WDR70: variants seen among roughly 807,000 people sequenced by gnomAD.
WDR70 encodes the protein WD repeat domain 70.
In WDR70, 53 loss-of-function variants were observed where a neutral mutation model predicts 88.6. The ratio of observed to expected loss-of-function variants is 0.60; its 90% confidence interval spans 0.48 to 0.75. The LOEUF is 0.75. WDR70 is among the 30% of genes least tolerant of loss of function. The probability of loss-of-function intolerance (pLI) is 0.00; values close to 1 mark genes in which losing one functional copy is unlikely to be tolerated. For synonymous variants in WDR70, 280 were observed against 270.0 expected, an observed-to-expected ratio of 1.04 and a Z score of -0.36; for missense variants, 610 against 823.2, an observed-to-expected ratio of 0.74 and a Z score of 3.17.
At chr5:37,493,349 C>A (rs1740123464) in intron 8 of WDR70, among the ~76,000 whole-genome samples, 1 of 152,162 alleles carries the variant, frequency 6.6e-6, no homozygotes, top group Non-Finnish European at 1.5e-5. Flanking sequence ...ATAGTTCCCT[C>A]CATCTTCAGG....
intron 9 of WDR70, among the ~76,000 whole-genome samples, chr5:37,566,587 A>T (rs1300775113): frequency 6.6e-6 from 1 of 152,182 alleles, no homozygotes. Flanking sequence ...AATTTTTCTC[A>T]GTCTTAGAAA....
intron 9 of WDR70, among the ~76,000 whole-genome samples, chr5:37,522,199 A>G (rs1046890080): frequency 1.3e-5 from 2 of 151,974 alleles, no homozygotes; most frequent in African/African-American, 4.8e-5. Flanking sequence ...TTGGCTGGGC[A>G]TGGTGGCTCA....
At chr5:37,423,700 A>T (rs1025259665) in intron 5 of WDR70, among the ~76,000 whole-genome samples, 3 of 149,844 alleles carry the variant, frequency 2.0e-5, no homozygotes, top group African/African-American at 4.9e-5. Context: ...GGTAGCTAGG[A>T]TTACAGGCAG....
intron 5 of WDR70, among the ~76,000 whole-genome samples, chr5:37,411,671 A>G (rs1419757224): frequency 6.6e-6 from 1 of 152,140 alleles, no homozygotes; most frequent in African/African-American, 2.4e-5. Flanking sequence ...GGTTGTAGTG[A>G]GCTGATATCA....
intron 9 of WDR70, among the ~76,000 whole-genome samples, chr5:37,517,195 C>A (rs1740914349): frequency 1.3e-5 from 2 of 152,056 alleles, no homozygotes; most frequent in Admixed American, 1.3e-4. Flanking sequence ...CTAATTATTA[C>A]TTTGTATAAT....
intron 10 of WDR70, among the ~76,000 whole-genome samples, chr5:37,668,510 A>G (rs974352742): frequency 1.2e-4 from 19 of 152,218 alleles, no homozygotes; most frequent in African/African-American, 3.9e-4. Context: ...TGATATACCA[A>G]CTGGTCTCAA....
intron 9 of WDR70, among the ~76,000 whole-genome samples, chr5:37,603,875 C>T (rs746616684): frequency 6.6e-6 from 1 of 152,164 alleles, no homozygotes; most frequent in Non-Finnish European, 1.5e-5. Flanking sequence ...ATTCTCTCAT[C>T]AAATAATACT....
At chr5:37,706,258 T>C (rs1170056897) in intron 13 of WDR70, among the ~76,000 whole-genome samples, 1 of 152,246 alleles carries the variant, frequency 6.6e-6, no homozygotes, top group Non-Finnish European at 1.5e-5. Flanking sequence ...GTATGTTTCT[T>C]TAACATTTGC....
intron 9 of WDR70, among the ~76,000 whole-genome samples, chr5:37,546,656 C>T (rs1036170003): frequency 1.3e-4 from 20 of 152,272 alleles, no homozygotes; most frequent in African/African-American, 4.8e-4. Context: ...CGGTGGCTCA[C>T]GCCTGTAATC....
At chr5:37,406,547 CCT>C (rs1042639162) in intron 5 of WDR70, among the ~76,000 whole-genome samples, 6 of 152,126 alleles carry the variant, frequency 3.9e-5, no homozygotes. Context: ...TGTCTTTCCC[CCT>C]CTATAAAATG....
chr5:37,626,539 C>G (rs1257281257), intron 10 of WDR70, among the ~76,000 whole-genome samples: 1 of 152,080 alleles, frequency 6.6e-6, no homozygotes, highest in East Asian at 1.9e-4. Flanking sequence ...ATTTTTGCAA[C>G]AGTGTTCATC....
intron 9 of WDR70, among the ~76,000 whole-genome samples, chr5:37,550,447 A>G (rs1742110499): frequency 6.6e-6 from 1 of 152,166 alleles, no homozygotes; most frequent in East Asian, 1.9e-4. Context: ...TGTATATTCT[A>G]TAGCTGTTGG....
chr5:37,381,751 TA>T, intron 3 of WDR70, 66 bp downstream of exon 3: 1 of 1,517,214 alleles, frequency 6.6e-7, no homozygotes, highest in East Asian at 2.4e-5. Flanking sequence ...GCAAGTATAT[TA>T]AAAAAGAGAA....
intron 7 of WDR70, among the ~76,000 whole-genome samples, chr5:37,461,376 T>G (rs1738998458): frequency 6.6e-6 from 1 of 152,078 alleles, no homozygotes; most frequent in South Asian, 2.1e-4. Context: ...GCCAGTGGAA[T>G]GTGTCTGTGA....
intron 3 of WDR70, among the ~76,000 whole-genome samples, chr5:37,388,426 C>CTTTT (rs34629371): frequency 0.28 from 38,926 of 138,646 alleles, 8,009 homozygotes; most frequent in African/African-American, 0.57. Context: ...GAAATACAGA[C>CTTTT]TTTTTTTTTT....
chr5:37,673,865 G>A (rs1746109387), intron 10 of WDR70, among the ~76,000 whole-genome samples: 2 of 151,940 alleles, frequency 1.3e-5, no homozygotes, highest in African/African-American at 2.4e-5. Context: ...AGAACATGCA[G>A]TATTTGGTTT....
At chr5:37,720,769 G>T (rs925151806) in intron 13 of WDR70, among the ~76,000 whole-genome samples, 2 of 152,218 alleles carry the variant, frequency 1.3e-5, no homozygotes, top group African/African-American at 4.8e-5. Context: ...CGCTTCAGTG[G>T]TAAGTGTAAC....
chr5:37,397,692 C>T (rs560816222), intron 5 of WDR70, among the ~76,000 whole-genome samples: 16 of 152,130 alleles, frequency 1.1e-4, no homozygotes, highest in African/African-American at 2.7e-4. Flanking sequence ...TATAAGTTTA[C>T]AATTTTAAGA....
chr5:37,397,469 C>T (rs1252136215), intron 5 of WDR70, among the ~76,000 whole-genome samples: 1 of 130,756 alleles, frequency 7.6e-6, no homozygotes, highest in Admixed American at 7.7e-5. Context: ...AACTCTGTTT[C>T]AAAAAAAAAA....
Sources: allele counts gnomAD v4.1 joint callset (sites outside exome capture counted in the v4.1 genomes callset), GRCh38; gene constraint gnomAD v4.1.1; transcripts MANE v1.5; gene names NCBI Gene and HGNC (gene_info 2026-07-23, HGNC 2026-07-21).